ANOS1: variants seen among roughly 807,000 people sequenced by gnomAD.
ANOS1 encodes the protein anosmin-1.
Under a neutral mutation model 59.0 loss-of-function variants are expected in ANOS1, and 6 were observed. The ratio of observed to expected loss-of-function variants is 0.10; its 90% confidence interval spans 0.06 to 0.20. The LOEUF (loss-of-function observed/expected upper bound fraction) is 0.20. Among genes scored for constraint, ANOS1 ranks in the 10% least tolerant of loss-of-function variants. The pLI is 1.00. For synonymous variants in ANOS1, 217 were observed against 223.4 expected, an observed-to-expected ratio of 0.97 and a Z score of 0.25; for missense variants, 433 against 542.3, an observed-to-expected ratio of 0.80 and a Z score of 2.00.
At chrX:8,623,750 G>T (rs1931338866) in intron 2 of ANOS1, 80 bp from the exon 3 acceptor site, 1 of 798,523 alleles carries the variant, frequency 1.3e-6, no homozygotes. Flanking sequence ...ACCTGTGATT[G>T]TTGCTTTTTC....
At chrX:8,577,740 G>A (rs747486425) in intron 6 of ANOS1, among the ~76,000 whole-genome samples, 19 of 112,164 alleles carry the variant, frequency 1.7e-4, no homozygotes, top group Non-Finnish European at 3.6e-4. Context: ...AACAGGCAAA[G>A]TAACAAGCAC....
chrX:8,719,681 C>T (rs1319804423), intron 1 of ANOS1, among the ~76,000 whole-genome samples: 1 of 111,674 alleles, frequency 9.0e-6, no homozygotes. Context: ...GCACCTGGCC[C>T]ATTATGTGAC....
intron 5 of ANOS1, 146 bp from the exon 6 acceptor site, chrX:8,585,542 G>A (rs1044632368): frequency 1.2e-5 from 7 of 593,444 alleles, no homozygotes; most frequent in African/African-American, 4.4e-5. Context: ...ATCATGCCCA[G>A]TTATGAAGAG....
chrX:8,545,412 GC>G (rs2146792149), intron 9 of ANOS1, among the ~76,000 whole-genome samples: 2 of 104,154 alleles, frequency 1.9e-5, no homozygotes, highest in African/African-American at 7.3e-5. Flanking sequence ...AGGAAGGAAG[GC>G]AGGCAGGCAG....
chrX:8,705,165 T>C (rs1182681118), intron 1 of ANOS1, among the ~76,000 whole-genome samples: 1 of 111,393 alleles, frequency 9.0e-6, no homozygotes, highest in Non-Finnish European at 1.9e-5. Flanking sequence ...TTACCTTATC[T>C]AATTGCGGAT....
At chrX:8,590,686 A>G in intron 4 of ANOS1, among the ~76,000 whole-genome samples, 1 of 112,157 alleles carries the variant, frequency 8.9e-6, no homozygotes, top group Non-Finnish European at 1.9e-5. Context: ...GCAAATGTTC[A>G]ATGAACAGTC....
At chrX:8,628,136 C>T (rs1388688219) in intron 2 of ANOS1, among the ~76,000 whole-genome samples, 6 of 111,375 alleles carry the variant, frequency 5.4e-5, no homozygotes, top group Admixed American at 2.9e-4. Context: ...TCCATGTGCT[C>T]ATTATGCACT....
At chrX:8,679,989 C>A (rs1455304219) in intron 2 of ANOS1, among the ~76,000 whole-genome samples, 2 of 108,979 alleles carry the variant, frequency 1.8e-5, no homozygotes, top group Non-Finnish European at 3.8e-5. Flanking sequence ...GGTGAAACCC[C>A]ATCTCTACTA....
chrX:8,554,772 T>C (rs1294156276), intron 8 of ANOS1, among the ~76,000 whole-genome samples: 1 of 108,556 alleles, frequency 9.2e-6, no homozygotes. Flanking sequence ...TCCCACACAA[T>C]AATAGTGGGA....
chrX:8,557,775 C>T (rs1929971341), intron 8 of ANOS1, among the ~76,000 whole-genome samples: 1 of 111,822 alleles, frequency 8.9e-6, no homozygotes, highest in African/African-American at 3.3e-5. Context: ...GGCAATTCCT[C>T]AAGGATCTAG....
intron 2 of ANOS1, among the ~76,000 whole-genome samples, chrX:8,634,633 T>C (rs1181415553): frequency 8.9e-6 from 1 of 112,102 alleles, no homozygotes; most frequent in Non-Finnish European, 1.9e-5. Context: ...CTGATTTAGA[T>C]GAAAAGTATA....
intron 2 of ANOS1, among the ~76,000 whole-genome samples, chrX:8,666,278 C>G (rs1390413200): frequency 1.8e-5 from 2 of 111,141 alleles, no homozygotes; most frequent in East Asian, 5.6e-4. Context: ...TGTATATTTA[C>G]CAGTATGAAG....
At chrX:8,634,001 T>C (rs1377731205) in intron 2 of ANOS1, among the ~76,000 whole-genome samples, 1 of 112,005 alleles carries the variant, frequency 8.9e-6, no homozygotes, top group Non-Finnish European at 1.9e-5. Flanking sequence ...AGTTTAAATA[T>C]AAACCGTAGA....
intron 8 of ANOS1, among the ~76,000 whole-genome samples, chrX:8,555,534 A>G (rs1482949449): frequency 8.9e-6 from 1 of 112,230 alleles, no homozygotes; most frequent in Non-Finnish European, 1.9e-5. Context: ...ACAATATTAA[A>G]TGATAAAGGG....
intron 2 of ANOS1, among the ~76,000 whole-genome samples, chrX:8,687,788 A>G (rs919944946): frequency 8.9e-6 from 1 of 112,317 alleles, no homozygotes; most frequent in African/African-American, 3.2e-5. Flanking sequence ...ATCTCTTGAG[A>G]AAGGCAAATT....
Position 8,676,501 on chromosome X carries a change from A to AG in ANOS1, c.255+23196dup, listed in dbSNP as rs199861566. On this transcript the variant is annotated intron_variant, in intron 2 of 13. Coordinates refer to ENST00000262648, the MANE Select transcript of ANOS1 (RefSeq NM_000216.4). ...TGTCAATAAGTCCTGTTGAAGTGTGAGGGGAAGGGAGTGAAGTTCTGCTTT... is the reference window on the plus strand; with the variant it reads ...TGTCAATAAGTCCTGTTGAAGTGTGAGGGGGAAGGGAGTGAAGTTCTGCTTT... Among the ~76,000 whole-genome samples, 996 of 112,044 alleles carry AG rather than the reference A, an allele frequency of 8.9e-3. 14 individuals carry two copies. Among genetic ancestry groups the AG allele is most frequent in the African/African-American group, 0.032 (973 of 30,853 alleles).
intron 3 of ANOS1, among the ~76,000 whole-genome samples, chrX:8,616,928 T>A (rs1340250587): frequency 8.9e-6 from 1 of 112,600 alleles, no homozygotes; most frequent in East Asian, 2.8e-4. Flanking sequence ...AGCCATATTT[T>A]AATGCTCTTA....
rs202229567 is a variant in ANOS1 at position 8,668,394 on chromosome X, CATAT to C, written c.255+31300_255+31303del. ...TTTTTATGGCTGAATAGTATTCCAT[CATAT>C]ATATATATATATATATATATATATA... On this transcript the variant is annotated intron_variant, in intron 2 of 13. Coordinates refer to ENST00000262648, the MANE Select transcript of ANOS1 (RefSeq NM_000216.4). Among the ~76,000 whole-genome samples the C allele has an allele frequency of 8.0e-3, 413 of 51,553 alleles. 7 individuals are homozygous for C. Among genetic ancestry groups the C allele is most frequent in the African/African-American group, 0.016 (219 of 14,000 alleles). 44.8% of individuals were successfully genotyped at this position (51,553 alleles called of 115,157 possible).
At chrX:8,730,818 G>A (rs1932968013) in intron 1 of ANOS1, among the ~76,000 whole-genome samples, 1 of 112,606 alleles carries the variant, frequency 8.9e-6, no homozygotes, top group Non-Finnish European at 1.9e-5. Flanking sequence ...AAAAATAAGC[G>A]GAGGATTTCA....
Sources: allele counts gnomAD v4.1 joint callset (sites outside exome capture counted in the v4.1 genomes callset), GRCh38; gene constraint gnomAD v4.1.1; transcripts MANE v1.5; gene names NCBI Gene and HGNC (gene_info 2026-07-23, HGNC 2026-07-21).